TEX26: variants seen among roughly 807,000 people sequenced by gnomAD.
TEX26 encodes testis expressed 26, also known as testis-expressed protein 26.
Under a neutral mutation model 35.3 loss-of-function variants are expected in TEX26, and 34 were observed. That is an observed-to-expected ratio of 0.96 (90% CI 0.73 to 1.28). TEX26 has a LOEUF of 1.28. TEX26 is among the 50% of genes most tolerant of loss of function. The pLI is 0.00. For missense variants in TEX26, 371 were observed against 330.1 expected (o/e 1.12, Z -0.96); for synonymous variants, 136 against 111.8 (o/e 1.22, Z -1.36).
At chr13:30,946,849 T>C (rs1394665658) in intron 2 of TEX26, among the ~76,000 whole-genome samples, 1 of 152,098 alleles carries the variant, frequency 6.6e-6, no homozygotes, top group Non-Finnish European at 1.5e-5. Flanking sequence ...ATAAAACCAA[T>C]GAATACTCTG....
chr13:30,966,523 C>T (rs563090801), intron 5 of TEX26, 125 bp downstream of exon 5: 12,864 of 868,598 alleles, frequency 0.015, 142 homozygotes, highest in Non-Finnish European at 0.018. Context: ...CTGAGATCTC[C>T]GCCTCCTGGG....
chr13:30,966,834 T>C (rs1206408255), intron 5 of TEX26, among the ~76,000 whole-genome samples: 1 of 152,154 alleles, frequency 6.6e-6, no homozygotes, highest in African/African-American at 2.4e-5. Context: ...GTTTTGGTAA[T>C]AGTCATGGAG....
At chr13:30,942,095 C>G (rs572896213) in intron 2 of TEX26, among the ~76,000 whole-genome samples, 28 of 152,254 alleles carry the variant, frequency 1.8e-4, no homozygotes, top group African/African-American at 6.5e-4. Flanking sequence ...ATACTGTTTT[C>G]CATAGAGGTT....
At chr13:30,971,270 T>C (rs1373964580) in intron 6 of TEX26, among the ~76,000 whole-genome samples, 1 of 152,214 alleles carries the variant, frequency 6.6e-6, no homozygotes, top group Non-Finnish European at 1.5e-5. Flanking sequence ...CAGCAGAGCT[T>C]TTGTGGCTGA....
intron 2 of TEX26, among the ~76,000 whole-genome samples, chr13:30,950,049 T>C (rs1464744325): frequency 6.6e-6 from 1 of 152,124 alleles, no homozygotes; most frequent in South Asian, 2.1e-4. Context: ...TAATACAAAA[T>C]CTGAAAAAAA....
At position 30,966,209 on chromosome 13, in the gene TEX26, C is replaced by T. The variant is rs760912794; in HGVS notation, c.470-13C>T. ...AGGAGTAAGTATTGCCTTCCATTTCCATTCCACCCCAGCTCAGAAGATTAA... is the reference window on the plus strand; with the variant it reads ...AGGAGTAAGTATTGCCTTCCATTTCTATTCCACCCCAGCTCAGAAGATTAA... On this transcript the variant is annotated splice_polypyrimidine_tract_variant and intron_variant, in intron 4 of 6. Coordinates refer to ENST00000380473, the MANE Select transcript of TEX26 (RefSeq NM_152325.3). The T allele has an allele frequency of 1.9e-6, 3 of 1,613,776 alleles. No individual in the cohort carries two copies. Among genetic ancestry groups the T allele is most frequent in the Non-Finnish European group, 2.5e-6 (3 of 1,179,916 alleles).
intron 1 of TEX26, among the ~76,000 whole-genome samples, chr13:30,939,028 T>C (rs1953377926): frequency 6.6e-6 from 1 of 152,264 alleles, no homozygotes; most frequent in Non-Finnish European, 1.5e-5. Flanking sequence ...TTGGAGGAGT[T>C]TTCTATCACA....
intron 2 of TEX26, among the ~76,000 whole-genome samples, chr13:30,945,502 C>A (rs982981895): frequency 1.3e-5 from 2 of 151,572 alleles, no homozygotes; most frequent in Admixed American, 6.6e-5. Flanking sequence ...TAATTGCTAC[C>A]TAGATACTTT....
chr13:30,954,763 T>G (rs1311012567), intron 3 of TEX26, among the ~76,000 whole-genome samples: 1 of 152,214 alleles, frequency 6.6e-6, no homozygotes, highest in Non-Finnish European at 1.5e-5. Flanking sequence ...TGGTCATCCT[T>G]TATATTTTAA....
At chr13:30,958,043 G>A (rs1433942985) in intron 4 of TEX26, among the ~76,000 whole-genome samples, 2 of 152,220 alleles carry the variant, frequency 1.3e-5, no homozygotes, top group Non-Finnish European at 2.9e-5. Context: ...CTTCCTGGAA[G>A]AGCACATGTG....
chr13:30,967,084 C>G (rs1035017678), intron 5 of TEX26, among the ~76,000 whole-genome samples: 3 of 152,178 alleles, frequency 2.0e-5, no homozygotes, highest in Admixed American at 6.5e-5. Flanking sequence ...CCAGTTTAGT[C>G]TCAATTTTCT....
At chr13:30,962,302 C>T (rs1283692877) in intron 4 of TEX26, among the ~76,000 whole-genome samples, 3 of 152,212 alleles carry the variant, frequency 2.0e-5, no homozygotes, top group African/African-American at 7.2e-5. Context: ...CTGGTCCTGG[C>T]CGCCATGCTG....
chr13:30,961,533 C>T (rs1385211652), intron 4 of TEX26, among the ~76,000 whole-genome samples: 3 of 50,728 alleles, frequency 5.9e-5, no homozygotes, highest in East Asian at 5.0e-3. Context: ...CATTTGCTTT[C>T]CATTTTCTAA....
intron 5 of TEX26, among the ~76,000 whole-genome samples, chr13:30,967,190 T>A (rs1954567613): frequency 6.6e-6 from 1 of 152,212 alleles, no homozygotes; most frequent in African/African-American, 2.4e-5. Flanking sequence ...AAACTTGGTG[T>A]CAGTCTGAGA....
rs1005163209 is a variant in TEX26, at chr13:30,952,880, CATAAGA to C, written c.312+58_312+63del. 13 of 1,448,320 alleles carry C rather than the reference CATAAGA, an allele frequency of 9.0e-6. No individual in the cohort carries two copies. In the African/African-American group the frequency reaches 1.9e-4, roughly 21 times the overall value. The allele number at this position is 1,448,320 out of a possible 1,614,324, so 89.7% of individuals were successfully genotyped here. ...TTAATACTGTACTGTATCAACAACT[CATAAGA>C]ATGAGAGTTTAAATATGTCACAAAG... On this transcript the variant is annotated intron_variant, in intron 3 of 6. Coordinates refer to ENST00000380473, the MANE Select transcript of TEX26 (RefSeq NM_152325.3).
In TEX26 at chr13:30,952,722, C is replaced by G. The variant is rs775491521; in HGVS notation, c.209C>G (p.Thr70Arg). Residue 70 changes from threonine (T) to arginine (R), a missense_variant, in exon 3 of 7, where the codon ACA becomes AGA. Physicochemically the swap from Thr to Arg is moderately conservative, Grantham distance 71 (BLOSUM62 -1). Coordinates refer to ENST00000380473, the MANE Select transcript of TEX26 (RefSeq NM_152325.3). ...YSLSDPILNQ[T>R]QYSDEYTWKS... The stretch of plus-strand genomic sequence containing the variant: ...CTTAGTGATCCTATTCTCAATCAGA[C>G]ACAATATAGTGATGAGTACACTTGG... 3.1e-6 allele frequency: 5 copies of G among 1,612,040 alleles called. No homozygotes were observed. In the East Asian group the frequency reaches 1.1e-4, roughly 36 times the overall value.
In TEX26 at chr13:30,956,928, G is replaced by T; in HGVS notation, c.368G>T (p.Cys123Phe). ...CAACAAACGGGGACACTAAAGAACT[G>T]CCTCCCTTGGAAAATCCCGGCTTCA... ...HCQQTGTLKN[C>F]LPWKIPASMK... Residue 123 changes from cysteine (C) to phenylalanine (F), a missense_variant, in exon 4 of 7, where the codon TGC (cysteine) becomes TTC (phenylalanine). By Grantham distance (205) the Cys-to-Phe change is radical. Coordinates refer to ENST00000380473, the MANE Select transcript of TEX26 (RefSeq NM_152325.3). 1 of 1,614,126 alleles carries T rather than the reference G, an allele frequency of 6.2e-7. No individual in the cohort carries two copies. The highest frequency in any genetic ancestry group is 8.5e-7 in the Non-Finnish European group (1 of 1,179,976).
chr13:30,936,949 C>G (rs896113147), intron 1 of TEX26: 2 of 985,282 alleles, frequency 2.0e-6, no homozygotes, highest in East Asian at 2.3e-4. Flanking sequence ...GCATACTGTA[C>G]TTTCAGAAGC....
rs80261762 is a variant in TEX26 at position 30,968,684 on chromosome 13, G to T, written c.647-201G>T. Among the ~76,000 whole-genome samples the T allele has an allele frequency of 8.1e-3, 1,227 of 152,270 alleles. 15 individuals are homozygous for T. Among genetic ancestry groups the T allele is most frequent in the African/African-American group, 0.026 (1,080 of 41,554 alleles). ...TGCCACTTCCAGCAGCAACAGGCTG[G>T]AAGTCCCTGCAGCTCTGCTCAGCCC... On this transcript the variant is annotated intron_variant, in intron 5 of 6. Coordinates refer to ENST00000380473, the MANE Select transcript of TEX26 (RefSeq NM_152325.3).
Sources: allele counts gnomAD v4.1 joint callset (sites outside exome capture counted in the v4.1 genomes callset), GRCh38; gene constraint gnomAD v4.1.1; transcripts MANE v1.5; gene names NCBI Gene and HGNC (gene_info 2026-07-23, HGNC 2026-07-21).